Variants in TUBA1C observed in about 807,000 individuals in gnomAD.
TUBA1C encodes tubulin alpha-1C chain.
TUBA1C carries 16 observed loss-of-function variants against 34.9 expected under a neutral mutation model. The observed-to-expected ratio is 0.46, with a 90% CI of 0.31 to 0.70. The LOEUF (loss-of-function observed/expected upper bound fraction) is 0.70, where lower values mean the gene tolerates loss of function less well. Ranked by LOEUF, TUBA1C falls within the 30% of genes least tolerant of loss-of-function variation. The probability of loss-of-function intolerance (pLI) is 0.05; values close to 1 mark genes in which losing one functional copy is unlikely to be tolerated. For synonymous variants in TUBA1C, 177 were observed against 215.9 expected, an observed-to-expected ratio of 0.82 and a Z score of 1.58; for missense variants, 329 against 587.3, an observed-to-expected ratio of 0.56 and a Z score of 4.55.
upstream of TUBA1C, among the ~76,000 whole-genome samples, chr12:49,261,964 C>T (rs1942844409): frequency 6.6e-6 from 1 of 152,092 alleles, no homozygotes; most frequent in Non-Finnish European, 1.5e-5. Context: ...CATGTTTTCT[C>T]CTTTGCTCAT....
In TUBA1C at chr12:49,274,126, A is replaced by C. The variant is rs1205222012; in HGVS notation, c.*899A>C. 6.6e-6 allele frequency: 1 copy of C among 151,752 alleles called. No homozygotes were observed. Among genetic ancestry groups the C allele is most frequent in the Admixed American group, 6.6e-5 (1 of 15,182 alleles). The allele number at this position is 151,752 out of a possible 1,614,324, so 9.4% of individuals were successfully genotyped here. A position where few individuals can be genotyped will look rare whatever the true frequency, so the allele number is the denominator to read the frequency against. The stretch of plus-strand genomic sequence containing the variant: ...GAGGTGAGGCTTCAGACACGTCTTA[A>C]ATTTTTTTTCTTTGAGATGGTCTCT... On this transcript the variant is annotated 3_prime_UTR_variant, in exon 4 of 4. Coordinates refer to ENST00000301072, the MANE Select transcript of TUBA1C (RefSeq NM_032704.5).
At chr12:49,271,339 G>GT (rs1234844742) in intron 3 of TUBA1C, among the ~76,000 whole-genome samples, 1 of 152,188 alleles carries the variant, frequency 6.6e-6, no homozygotes, top group Non-Finnish European at 1.5e-5. Context: ...CCTTCGTAAA[G>GT]TAGCAGTTTG....
chr12:49,273,166 A>T lies in TUBA1C; in HGVS notation c.1289A>T (p.Lys430Met). Residue 430 changes from lysine to methionine, a missense_variant, in exon 4 of 4, where the codon AAG becomes ATG. Lys to Met is a moderately conservative substitution (Grantham distance 95). Around this residue, in one of 4 missense-constraint regions of TUBA1C, gnomAD observed 34 missense variants for 31.8 expected, o/e 1.07. Coordinates refer to ENST00000301072, the MANE Select transcript of TUBA1C (RefSeq NM_032704.5). ...EAREDMAALEKDYEEVGADSA... is the reference protein window; with the variant it reads ...EAREDMAALEMDYEEVGADSA... ...CGTGAGGACATGGCTGCCCTTGAGA[A>T]GGATTATGAGGAGGTTGGAGCAGAT... 6.2e-7 allele frequency: 1 copy of T among 1,614,206 alleles called. No homozygotes were observed. Among genetic ancestry groups the T allele is most frequent in the South Asian group, 1.1e-5 (1 of 91,084 alleles).
At chr12:49,244,164 A>G (rs1942645717) in intron 1 of TUBA1C, among the ~76,000 whole-genome samples, 1 of 151,834 alleles carries the variant, frequency 6.6e-6, no homozygotes, top group East Asian at 1.9e-4. Context: ...AAAAAAAAAA[A>G]AGAAAAAAAA....
At chr12:49,265,938 T>G (rs1369059233) in intron 1 of TUBA1C, among the ~76,000 whole-genome samples, 4 of 116,838 alleles carry the variant, frequency 3.4e-5, no homozygotes, top group Non-Finnish European at 5.0e-5. Context: ...GCGAACATGG[T>G]GAAACCCCGT....
At chr12:49,239,940 T>C (rs1942594635) in intron 1 of TUBA1C, among the ~76,000 whole-genome samples, 1 of 151,994 alleles carries the variant, frequency 6.6e-6, no homozygotes, top group Non-Finnish European at 1.5e-5. Flanking sequence ...TCCACTTGTG[T>C]GGCACAAGTC....
intron 1 of TUBA1C, among the ~76,000 whole-genome samples, chr12:49,269,040 G>GC (rs1343135819): frequency 3.9e-5 from 6 of 152,258 alleles, no homozygotes; most frequent in Non-Finnish European, 8.8e-5. Flanking sequence ...TAGTCCCTGA[G>GC]CAGGAGTGGC....
chr12:49,251,517 G>A (rs115274799), intron 1 of TUBA1C, among the ~76,000 whole-genome samples: 2,326 of 152,198 alleles, frequency 0.015, 54 homozygotes, highest in African/African-American at 0.053. Context: ...GACTCACCTT[G>A]TAATCCTAGC....
intron 1 of TUBA1C, among the ~76,000 whole-genome samples, chr12:49,255,440 T>C (rs977376472): frequency 6.7e-6 from 1 of 149,172 alleles, no homozygotes; most frequent in Non-Finnish European, 1.5e-5. Flanking sequence ...ATTTCTCTGA[T>C]AGAGGTCTTG....
chr12:49,247,381 A>G (rs1332609877), intron 1 of TUBA1C, among the ~76,000 whole-genome samples: 3 of 151,564 alleles, frequency 2.0e-5, no homozygotes, highest in Admixed American at 6.6e-5. Flanking sequence ...ATATGGTGAA[A>G]CCCCATTTCT....
intron 1 of TUBA1C, among the ~76,000 whole-genome samples, chr12:49,244,072 C>T (rs56297203): frequency 0.035 from 5,303 of 151,040 alleles, 132 homozygotes; most frequent in Non-Finnish European, 0.057. Flanking sequence ...ATCACTTGAA[C>T]CCAGGAGGTG....
At chr12:49,253,832 T>C (rs1322071749) in intron 1 of TUBA1C, among the ~76,000 whole-genome samples, 2 of 152,202 alleles carry the variant, frequency 1.3e-5, no homozygotes, top group Non-Finnish European at 2.9e-5. Context: ...AAACTGGTAC[T>C]GAAACTAGAG....
intron 1 of TUBA1C, among the ~76,000 whole-genome samples, chr12:49,231,079 C>A (rs573682269): frequency 1.3e-5 from 2 of 152,340 alleles, no homozygotes; most frequent in African/African-American, 4.8e-5. Flanking sequence ...TAAAGTATCA[C>A]TGTCTAGCTT....
At chr12:49,228,294 G>T in intron 1 of TUBA1C, 1 of 855,866 alleles carries the variant, frequency 1.2e-6, no homozygotes, top group Non-Finnish European at 1.7e-6. Context: ...TTATATTGGT[G>T]GCATTAGTGT....
chr12:49,236,668 T>C (rs1942558415), intron 1 of TUBA1C, among the ~76,000 whole-genome samples: 1 of 152,246 alleles, frequency 6.6e-6, no homozygotes, highest in African/African-American at 2.4e-5. Context: ...ATTTCATCAC[T>C]GTGCAAACAT....
rs1232704012 is a variant in TUBA1C, at chr12:49,273,895, G to A, written c.*668G>A. ...TCACGAGCCCAGGAATTCGAGACCA[G>A]CCTGGGCAACATGGTGAAAACCCAT... On this transcript the variant is annotated 3_prime_UTR_variant, in exon 4 of 4. Coordinates refer to ENST00000301072, the MANE Select transcript of TUBA1C (RefSeq NM_032704.5). The A allele has an allele frequency of 1.3e-5, 2 of 155,038 alleles. No homozygotes were observed. The highest frequency in any genetic ancestry group is 3.8e-4 in the East Asian group (2 of 5,254). 9.6% of individuals were successfully genotyped at this position (155,038 alleles called of 1,614,324 possible).
chr12:49,247,471 C>A (rs1426115389), intron 1 of TUBA1C, among the ~76,000 whole-genome samples: 4 of 148,238 alleles, frequency 2.7e-5, no homozygotes, highest in Non-Finnish European at 4.5e-5. Flanking sequence ...TGCTTCTCAG[C>A]CTTTTGGCTA....
In TUBA1C at chr12:49,269,965, A is replaced by G; in HGVS notation, c.364A>G (p.Ile122Val). ...GATCATTGACCTCGTGTTGGACCGA[A>G]TTCGCAAGCTGGTAAGTATAGTACT... ...KEIIDLVLDR[I>V]RKLADQCTGL... Residue 122 changes from isoleucine to valine, a missense_variant, in exon 3 of 4, where the codon ATT becomes GTT. By Grantham distance (29) the Ile-to-Val change is conservative. Transcript: ENST00000301072. 6.2e-7 allele frequency: 1 copy of G among 1,614,246 alleles called. No homozygotes were observed. Among genetic ancestry groups the G allele is most frequent in the Non-Finnish European group, 8.5e-7 (1 of 1,180,052 alleles).
chr12:49,243,468 C>T (rs1190093168), intron 1 of TUBA1C, among the ~76,000 whole-genome samples: 1 of 152,000 alleles, frequency 6.6e-6, no homozygotes, highest in East Asian at 1.9e-4. Context: ...CAGGTGCTAC[C>T]CTGTGAGTGC....
Sources: allele counts gnomAD v4.1 joint callset (sites outside exome capture counted in the v4.1 genomes callset), GRCh38; gene constraint gnomAD v4.1.1; regional missense constraint gnomAD v4.1.1; transcripts MANE v1.5; gene names NCBI Gene and HGNC (gene_info 2026-07-23, HGNC 2026-07-21).